The following SHANK2 variants were observed in gnomAD, a reference collection of about 807,000 sequenced individuals.
SHANK2 encodes SH3 and multiple ankyrin repeat domains 2.
A neutral mutation model predicts 133.7 loss-of-function variants in SHANK2; 43 were observed. The observed-to-expected ratio is 0.32, with a 90% confidence interval of 0.25 to 0.41. The LOEUF (loss-of-function observed/expected upper bound fraction) is 0.41. Among genes scored for constraint, SHANK2 ranks in the 10% least tolerant of loss-of-function variants. The pLI is 1.00. For missense variants in SHANK2, 1,994 were observed against 2,235.8 expected (o/e 0.89, Z 2.18); for synonymous variants, 1,017 against 952.8 (o/e 1.07, Z -1.24).
chr11:70,928,219 G>T (rs932961443), intron 10 of SHANK2, among the ~76,000 whole-genome samples: 1 of 152,104 alleles, frequency 6.6e-6, no homozygotes, highest in Non-Finnish European at 1.5e-5. Flanking sequence ...TGTTCCCGTC[G>T]ATGGAGACCC....
In SHANK2 at chr11:70,685,738, G is replaced by A. The variant is rs141368698; in HGVS notation, c.1853+12950C>T. Among the ~76,000 whole-genome samples, 827 of 152,240 alleles carry A rather than the reference G, an allele frequency of 5.4e-3. 1 individual carries two copies. The highest frequency in any genetic ancestry group is 9.5e-3 in the Admixed American group (146 of 15,300). The stretch of plus-strand genomic sequence containing the variant: ...GTCTCAACTCCTTAGACTGCCCTGA[G>A]CACTTTTCATGACATACTCCTTGGC... On this transcript the variant is annotated intron_variant, in intron 15 of 25. Transcript: ENST00000601538.
At chr11:70,775,980 G>A (rs1555043845) in intron 14 of SHANK2, among the ~76,000 whole-genome samples, 1 of 152,242 alleles carries the variant, frequency 6.6e-6, no homozygotes, top group African/African-American at 2.4e-5. Flanking sequence ...TGCTCTGGAG[G>A]TTGCAGCGGG....
intron 8 of SHANK2, among the ~76,000 whole-genome samples, chr11:71,075,632 A>G (rs1248559755): frequency 6.6e-6 from 1 of 152,120 alleles, no homozygotes; most frequent in African/African-American, 2.4e-5. Context: ...GCCCAGCTCC[A>G]CAAGATGCAA....
intron 14 of SHANK2, among the ~76,000 whole-genome samples, chr11:70,738,893 GC>G (rs1946464237): frequency 6.6e-6 from 1 of 152,188 alleles, no homozygotes; most frequent in Non-Finnish European, 1.5e-5. Flanking sequence ...GGGTTCTGCT[GC>G]CCCCCTCGAA....
At chr11:70,708,653 G>A (rs1310960036) in intron 14 of SHANK2, among the ~76,000 whole-genome samples, 1 of 152,232 alleles carries the variant, frequency 6.6e-6, no homozygotes, top group African/African-American at 2.4e-5. Context: ...TGACCACAGA[G>A]CACTTCCGGG....
In SHANK2 at chr11:71,227,622, A is replaced by T. The variant is rs115359431; in HGVS notation, c.-112-2826T>A. 3.4e-3 allele frequency among the ~76,000 whole-genome samples: 524 copies of T among 152,192 alleles called. 1 individual carries two copies. The highest frequency in any genetic ancestry group is 0.011 in the African/African-American group (473 of 41,542). ...AAATCCACACTTATAACTGAATACA[A>T]CTTTAACAAACCTTTCTCCACAATT... On this transcript the variant is annotated intron_variant, in intron 1 of 25. Coordinates refer to ENST00000601538, the MANE Select transcript of SHANK2 (RefSeq NM_012309.5).
chr11:70,947,833 G>A (rs544184600), intron 10 of SHANK2, among the ~76,000 whole-genome samples: 1 of 152,290 alleles, frequency 6.6e-6, no homozygotes, highest in African/African-American at 2.4e-5. Context: ...TAGCATCTGG[G>A]TGGGTGACGG....
At chr11:70,950,648 C>T (rs1359268752) in intron 10 of SHANK2, among the ~76,000 whole-genome samples, 2 of 151,822 alleles carry the variant, frequency 1.3e-5, no homozygotes, top group African/African-American at 2.4e-5. Flanking sequence ...CGCTCTGTGG[C>T]CCAGGCTGGA....
chr11:71,158,037 G>C (rs1952936167), intron 2 of SHANK2, among the ~76,000 whole-genome samples: 1 of 152,166 alleles, frequency 6.6e-6, no homozygotes, highest in Non-Finnish European at 1.5e-5. Flanking sequence ...CAAAGTCTTG[G>C]AAAACTGGGA....
chr11:71,233,731 C>T (rs959407727), intron 1 of SHANK2, among the ~76,000 whole-genome samples: 9 of 152,216 alleles, frequency 5.9e-5, no homozygotes, highest in African/African-American at 2.2e-4. Context: ...TAGCGAATAA[C>T]TGAATTACTG....
chr11:70,806,445 T>C (rs782412773), intron 13 of SHANK2, among the ~76,000 whole-genome samples: 6 of 152,214 alleles, frequency 3.9e-5, no homozygotes, highest in Non-Finnish European at 7.3e-5. Flanking sequence ...GCAGAAACCA[T>C]CACTGGCTCC....
chr11:70,820,078 G>C (rs3017494), intron 12 of SHANK2, among the ~76,000 whole-genome samples: 152,241 of 152,300 alleles, frequency 1, 76,092 homozygotes, highest in Middle Eastern at 1. Flanking sequence ...GGACCCGAGA[G>C]GCCAGCAGTA....
At chr11:70,661,564 A>G in intron 16 of SHANK2, 32 bp downstream of exon 16, 3 of 1,517,618 alleles carry the variant, frequency 2.0e-6, no homozygotes, top group African/African-American at 1.4e-5. Flanking sequence ...CAAACATGGG[A>G]ACATATTCAG....
chr11:70,820,646 C>T lies in SHANK2; in HGVS notation c.1211G>A (p.Arg404Gln), dbSNP rs1055741361. The change falls in exon 12 of 26, where the codon CGG becomes CAG. Residue 404 changes from arginine to glutamine, a missense_variant. Around this residue, in one of 5 missense-constraint regions of SHANK2, gnomAD observed 653 missense variants for 563.4 expected, o/e 1.16. Coordinates refer to ENST00000601538, the MANE Select transcript of SHANK2 (RefSeq NM_012309.5). ...FREAPAYSNR[R>Q]RRPPNTLAAP... Reference sequence around the variant, plus strand: ...GGCCAGCGTGTTGGGGGGCCGCCGCCGGCGGTTGGAGTACGCCGGGGCCTC... The same window carrying T: ...GGCCAGCGTGTTGGGGGGCCGCCGCTGGCGGTTGGAGTACGCCGGGGCCTC... 19 of 706,440 alleles carry T rather than the reference C, an allele frequency of 2.7e-5. No homozygotes were observed. Among genetic ancestry groups the T allele is most frequent in the Middle Eastern group, 2.3e-4 (1 of 4,328 alleles). The allele number at this position is 706,440 out of a possible 1,614,324, so 43.8% of individuals were successfully genotyped here. A position where few individuals can be genotyped will look rare whatever the true frequency, so the allele number is the denominator to read the frequency against.
chr11:70,670,607 A>C (rs1390498900), intron 15 of SHANK2, among the ~76,000 whole-genome samples: 3 of 152,158 alleles, frequency 2.0e-5, no homozygotes, highest in Admixed American at 1.3e-4. Flanking sequence ...TTCTCAGCCC[A>C]TGACCACACG....
chr11:71,213,664 A>T (rs782299181), intron 2 of SHANK2, among the ~76,000 whole-genome samples: 7 of 152,180 alleles, frequency 4.6e-5, no homozygotes, highest in Non-Finnish European at 7.4e-5. Context: ...TCCCTGTGGG[A>T]AAAGGTGGTG....
chr11:70,564,832 T>C (rs530906749), intron 17 of SHANK2, among the ~76,000 whole-genome samples: 4 of 152,358 alleles, frequency 2.6e-5, no homozygotes, highest in African/African-American at 9.6e-5. Context: ...AAGTTTGATT[T>C]GGGTTAAAAT....
chr11:71,214,303 C>T (rs117580995), intron 2 of SHANK2, among the ~76,000 whole-genome samples: 6 of 152,316 alleles, frequency 3.9e-5, no homozygotes, highest in East Asian at 3.9e-4. Context: ...ATGAGACAGA[C>T]GCAGCAAGGA....
At chr11:70,900,778 C>T (rs1950012034) in intron 10 of SHANK2, among the ~76,000 whole-genome samples, 1 of 152,130 alleles carries the variant, frequency 6.6e-6, no homozygotes, top group African/African-American at 2.4e-5. Flanking sequence ...GCACTGCCCG[C>T]CCTATGCTTG....
Sources: gnomAD v4.1 joint callset for allele counts (sites outside exome capture counted in the v4.1 genomes callset) on GRCh38, gnomAD v4.1.1 for gene constraint, gnomAD v4.1.1 regional missense constraint, MANE v1.5 for transcripts, NCBI Gene and HGNC (gene_info 2026-07-23, HGNC 2026-07-21) for gene names.